The following SRRM4 variants were observed in gnomAD, a reference collection of about 807,000 sequenced individuals.
SRRM4 encodes the protein serine/arginine repetitive matrix protein 4.
SRRM4 carries 33 observed loss-of-function variants against 68.9 expected under a neutral mutation model. The observed-to-expected ratio is 0.48, with a 90% CI of 0.36 to 0.64. The LOEUF (loss-of-function observed/expected upper bound fraction) is 0.64, where lower values mean the gene tolerates loss of function less well. SRRM4 is among the 30% of genes least tolerant of loss of function. The pLI is 0.00. For missense variants in SRRM4, 817 were observed against 827.1 expected, an observed-to-expected ratio of 0.99 and a Z score of 0.15; for synonymous variants, 318 against 318.8, an observed-to-expected ratio of 1.00 and a Z score of 0.03.
At chr12:119,052,589 C>T (rs1487107777) in intron 1 of SRRM4, among the ~76,000 whole-genome samples, 1 of 152,084 alleles carries the variant, frequency 6.6e-6, no homozygotes, top group Non-Finnish European at 1.5e-5. Flanking sequence ...AGTGTAGTAG[C>T]GCGATCTCGG....
At chr12:119,065,599 G>A (rs953106945) in intron 1 of SRRM4, among the ~76,000 whole-genome samples, 2 of 152,156 alleles carry the variant, frequency 1.3e-5, no homozygotes, top group African/African-American at 4.8e-5. Context: ...GCCCGGCGTG[G>A]TGGCAAGTGC....
chr12:119,124,363 T>A (rs1954243727), intron 6 of SRRM4: 1 of 152,198 alleles, frequency 6.6e-6, no homozygotes, highest in Non-Finnish European at 1.5e-5. Context: ...TGCCTGAGGT[T>A]CAGGATCAGA....
At chr12:119,007,213 A>G (rs1218527803) in intron 1 of SRRM4, among the ~76,000 whole-genome samples, 2 of 152,248 alleles carry the variant, frequency 1.3e-5, no homozygotes, top group African/African-American at 4.8e-5. Flanking sequence ...TGCAGAGTCA[A>G]ATTCTGAAAC....
At chr12:119,113,151 A>G (rs11064666) in intron 2 of SRRM4, among the ~76,000 whole-genome samples, 43,959 of 152,100 alleles carry the variant, frequency 0.29, 7,054 homozygotes, top group South Asian at 0.36. Context: ...TTATTTGCTG[A>G]AGATAGAGAC....
At chr12:119,063,993 C>T (rs952655665) in intron 1 of SRRM4, among the ~76,000 whole-genome samples, 14 of 152,244 alleles carry the variant, frequency 9.2e-5, no homozygotes, top group Non-Finnish European at 1.9e-4. Flanking sequence ...AGAGCTCATA[C>T]TTTCAAAAAG....
chr12:119,152,456 T>C (rs1195795618), intron 10 of SRRM4, among the ~76,000 whole-genome samples: 1 of 152,182 alleles, frequency 6.6e-6, no homozygotes, highest in Non-Finnish European at 1.5e-5. Context: ...CTGAGCTCCC[T>C]GACAGACAAA....
rs1186190124 is a variant in SRRM4, at chr12:119,156,737, G to GGAGCAGGAGCCA, written c.1780_1791dup (p.Gln596_Ser599dup). Reference sequence around the variant, plus strand: ...CGGAGCAGGAGCCGGAGCCGGAGCCGGAGCAGGAGCCAGAGCCGGAGCTAC... The same window carrying GGAGCAGGAGCCA: ...CGGAGCAGGAGCCGGAGCCGGAGCCGGAGCAGGAGCCAGAGCAGGAGCCAGAGCCGGAGCTAC... On this transcript the variant is annotated inframe_insertion, in exon 13 of 13. Coordinates refer to ENST00000267260, the MANE Select transcript of SRRM4 (RefSeq NM_194286.4). 3.2e-6 allele frequency: 5 copies of GGAGCAGGAGCCA among 1,546,542 alleles called. No homozygotes were observed. The highest frequency in any genetic ancestry group is 4.4e-6 in the Non-Finnish European group (5 of 1,146,360).
chr12:119,154,292 G>C lies in SRRM4; in HGVS notation c.1441G>C (p.Glu481Gln), dbSNP rs1954458759. 1 of 1,611,308 alleles carries C rather than the reference G, an allele frequency of 6.2e-7. No homozygotes were observed. Residue 481 changes from glutamate (E) to glutamine (Q), a missense_variant, in exon 12 of 13, where the codon GAG becomes CAG. Physicochemically the swap from Glu to Gln is conservative, Grantham distance 29. Coordinates refer to ENST00000267260, the MANE Select transcript of SRRM4 (RefSeq NM_194286.4). This position sits in a 1 kb window ranked among gnomAD's most constrained non-coding sequence, Gnocchi z 4.7. ...GAAGGACTCGCAGCAGCGGGAGCGCGAGCGAGCGCGTCGGAGACGTCGGTC... is the reference window on the plus strand; with the variant it reads ...GAAGGACTCGCAGCAGCGGGAGCGCCAGCGAGCGCGTCGGAGACGTCGGTC... ...SEKDSQQRERERARRRRRSYS... is the reference protein window; with the variant it reads ...SEKDSQQRERQRARRRRRSYS...
In SRRM4 at chr12:119,156,773, A is replaced by G; in HGVS notation, c.1811A>G (p.Asp604Gly). 1.3e-6 allele frequency: 2 copies of G among 1,542,232 alleles called. No homozygotes were observed. The highest frequency in any genetic ancestry group is 2.7e-5 in the African/African-American group (2 of 73,036). The change falls in exon 13 of 13, where the codon GAC becomes GGC. Residue 604 changes from aspartate to glycine, a missense_variant. By Grantham distance (94) the Asp-to-Gly change is moderately conservative. Coordinates refer to ENST00000267260, the MANE Select transcript of SRRM4 (RefSeq NM_194286.4). ...RSQSRSYSSA[D>G]SYSSTRR ...CAGAGCCGGAGCTACAGCTCAGCAG[A>G]CAGCTACTCCAGCACGAGGCGCTAA...
rs984993931 is a variant in SRRM4 at position 119,156,903 on chromosome 12, C to G, written c.*105C>G. On this transcript the variant is annotated 3_prime_UTR_variant, in exon 13 of 13. Transcript: ENST00000267260. ...GTGACAAATAGTGAGGGCTCCTATA[C>G]CTTGTCCTTCCTGCTTGCCTAGGGG... is the stretch of plus-strand genomic sequence containing the variant. 249 of 1,333,470 alleles carry G rather than the reference C, an allele frequency of 1.9e-4. No homozygotes were observed. The highest frequency in any genetic ancestry group is 2.4e-4 in the Non-Finnish European group (246 of 1,006,162). 82.6% of individuals were successfully genotyped at this position (1,333,470 alleles called of 1,614,324 possible).
intron 1 of SRRM4, among the ~76,000 whole-genome samples, chr12:119,012,061 TTTGTAAA>T (rs1198513945): frequency 6.6e-6 from 1 of 152,200 alleles, no homozygotes; most frequent in African/African-American, 2.4e-5. Context: ...GGTGACAATG[TTTGTAAA>T]TTGTATATTA....
chr12:119,138,859 T>C (rs61508950), intron 8 of SRRM4, among the ~76,000 whole-genome samples: 7,718 of 152,258 alleles, frequency 0.051, 589 homozygotes, highest in African/African-American at 0.16. Flanking sequence ...GGCTTTTATG[T>C]AGACATCATG....
At chr12:119,061,293 G>A (rs1363059865) in intron 1 of SRRM4, among the ~76,000 whole-genome samples, 1 of 152,022 alleles carries the variant, frequency 6.6e-6, no homozygotes, top group African/African-American at 2.4e-5. Context: ...GATGTGGTTA[G>A]AAAAGAAAAA....
chr12:119,055,864 T>C (rs917710063), intron 1 of SRRM4, among the ~76,000 whole-genome samples: 4 of 152,214 alleles, frequency 2.6e-5, no homozygotes, highest in Non-Finnish European at 5.9e-5. Flanking sequence ...CTAACACATG[T>C]AGTGGGCATC....
chr12:119,025,941 G>A (rs903436325), intron 1 of SRRM4, among the ~76,000 whole-genome samples: 5 of 152,200 alleles, frequency 3.3e-5, no homozygotes, highest in African/African-American at 1.2e-4. Flanking sequence ...TTAAACCAAA[G>A]TTGGCCATCA....
chr12:119,103,604 A>G (rs1954089297), intron 2 of SRRM4, among the ~76,000 whole-genome samples: 2 of 152,216 alleles, frequency 1.3e-5, no homozygotes, highest in African/African-American at 4.8e-5. Context: ...CTGAAGTTCA[A>G]CCTCATGTCT....
At chr12:119,114,920 T>C in intron 3 of SRRM4, among the ~76,000 whole-genome samples, 1 of 151,928 alleles carries the variant, frequency 6.6e-6, no homozygotes, top group South Asian at 2.1e-4. Flanking sequence ...TGCCTCGGCC[T>C]TCCAAAGTGC....
In SRRM4 at chr12:119,159,100, G is replaced by A. The variant is rs1954493090; in HGVS notation, c.*2302G>A. On this transcript the variant is annotated 3_prime_UTR_variant, in exon 13 of 13. Coordinates refer to ENST00000267260, the MANE Select transcript of SRRM4 (RefSeq NM_194286.4). ...ATGGATGGGATTTGAGAGGCCAAAG[G>A]TGAGTGGGCTATTGGCCTTCTCCCT... The A allele has an allele frequency of 6.6e-6, 1 of 151,620 alleles. No homozygotes were observed. 9.4% of individuals were successfully genotyped at this position (151,620 alleles called of 1,614,324 possible).
At chr12:119,110,553 C>A (rs548679601) in intron 2 of SRRM4, among the ~76,000 whole-genome samples, 1 of 152,202 alleles carries the variant, frequency 6.6e-6, no homozygotes, top group African/African-American at 2.4e-5. Flanking sequence ...GCCTCGCTGC[C>A]GCCTTGCAGT....
Sources: allele counts gnomAD v4.1 joint callset (sites outside exome capture counted in the v4.1 genomes callset), GRCh38; gene constraint gnomAD v4.1.1; non-coding constraint Gnocchi (gnomAD v3.1); transcripts MANE v1.5; gene names NCBI Gene and HGNC (gene_info 2026-07-23, HGNC 2026-07-21).